ARHGEF3: variants seen among roughly 807,000 people sequenced by gnomAD.
The protein encoded by ARHGEF3 is Rho guanine nucleotide exchange factor 3, also known as 59.8 kDA protein.
Under a neutral mutation model 63.2 loss-of-function variants are expected in ARHGEF3, and 28 were observed. That is an observed-to-expected ratio of 0.44 (90% CI 0.33 to 0.61). The LOEUF is 0.61. Among genes scored for constraint, ARHGEF3 ranks in the 20% least tolerant of loss-of-function variants. The pLI is 0.03. For synonymous variants in ARHGEF3, 266 were observed against 254.2 expected (o/e 1.05, Z -0.44); for missense variants, 533 against 659.3 (o/e 0.81, Z 2.10).
intron 1 of ARHGEF3, among the ~76,000 whole-genome samples, chr3:56,795,436 A>G (rs988731408): frequency 6.6e-6 from 1 of 152,202 alleles, no homozygotes; most frequent in Admixed American, 6.5e-5. Flanking sequence ...AGCCAGAAAG[A>G]AGAAAAAAGT....
intron 3 of ARHGEF3, among the ~76,000 whole-genome samples, chr3:56,948,907 G>T (rs62251118): frequency 0.26 from 39,010 of 151,868 alleles, 6,017 homozygotes; most frequent in East Asian, 0.39. Flanking sequence ...GAATCCAGCA[G>T]CACATCAAAA....
chr3:56,816,290 G>A (rs2038268047), intron 4 of ARHGEF3, among the ~76,000 whole-genome samples: 1 of 152,142 alleles, frequency 6.6e-6, no homozygotes, highest in African/African-American at 2.4e-5. Flanking sequence ...TCAAAGCTGA[G>A]GGTTCTGTGC....
intron 2 of ARHGEF3, among the ~76,000 whole-genome samples, chr3:57,025,954 A>C (rs78417172): frequency 1.3e-3 from 196 of 152,286 alleles, no homozygotes; most frequent in African/African-American, 4.6e-3. Flanking sequence ...GAAAGGCTTA[A>C]CTCAAGTTCC....
At chr3:56,776,578 A>G (rs547221194) in intron 1 of ARHGEF3, among the ~76,000 whole-genome samples, 3 of 152,224 alleles carry the variant, frequency 2.0e-5, no homozygotes, top group African/African-American at 7.2e-5. Flanking sequence ...AAGATTAAAA[A>G]AATTCCTGGC....
intron 3 of ARHGEF3, among the ~76,000 whole-genome samples, chr3:56,895,631 T>C (rs1040403610): frequency 2.0e-5 from 3 of 151,954 alleles, no homozygotes; most frequent in Non-Finnish European, 4.4e-5. Context: ...ACCGGGCTAA[T>C]TTTTTGTATT....
At chr3:56,847,454 G>A (rs555586988) in intron 4 of ARHGEF3, among the ~76,000 whole-genome samples, 29 of 152,280 alleles carry the variant, frequency 1.9e-4, no homozygotes, top group African/African-American at 6.5e-4. Context: ...GGTGAGGAGG[G>A]AGCATTTTAT....
chr3:56,982,625 G>A (rs891312988), intron 2 of ARHGEF3, among the ~76,000 whole-genome samples: 9 of 152,054 alleles, frequency 5.9e-5, no homozygotes, highest in Non-Finnish European at 1.5e-5. Flanking sequence ...TACTTTGTTC[G>A]CTGCTATAAC....
At chr3:57,062,741 A>G (rs1363431407) in intron 1 of ARHGEF3, among the ~76,000 whole-genome samples, 1 of 152,200 alleles carries the variant, frequency 6.6e-6, no homozygotes, top group Non-Finnish European at 1.5e-5. Context: ...ACACACACAT[A>G]CATACACATA....
intron 1 of ARHGEF3, among the ~76,000 whole-genome samples, chr3:57,047,775 C>A (rs910443888): frequency 6.6e-6 from 1 of 152,190 alleles, no homozygotes; most frequent in East Asian, 1.9e-4. Flanking sequence ...GAGAGGAGAC[C>A]TCTGTTGGAA....
chr3:57,029,297 G>A (rs1579124034), intron 2 of ARHGEF3, among the ~76,000 whole-genome samples: 1 of 152,158 alleles, frequency 6.6e-6, no homozygotes, highest in South Asian at 2.1e-4. Flanking sequence ...GGTCGTGGTG[G>A]CACATGCCTG....
At chr3:56,745,865 G>C (rs535295810) in intron 6 of ARHGEF3, among the ~76,000 whole-genome samples, 2 of 152,244 alleles carry the variant, frequency 1.3e-5, no homozygotes, top group Non-Finnish European at 2.9e-5. Context: ...TAGAGATGGG[G>C]TTTCAACGTG....
At chr3:56,979,446 A>G (rs2106893126) in intron 2 of ARHGEF3, among the ~76,000 whole-genome samples, 1 of 152,336 alleles carries the variant, frequency 6.6e-6, no homozygotes, top group South Asian at 2.1e-4. Context: ...GGGCAGAGGC[A>G]TCTCTTCAAA....
Position 56,728,217 on chromosome 3 carries a change from T to C in ARHGEF3, c.*1053A>G, listed in dbSNP as rs3821414. On this transcript the variant is annotated 3_prime_UTR_variant, in exon 10 of 10. Coordinates refer to ENST00000296315, the MANE Select transcript of ARHGEF3 (RefSeq NM_019555.3). ...ATAGCACAGAACCAGAGATGGCAAA[T>C]TGACGACCCAAAAGCAGAGCAGGAA... 0.19 allele frequency: 29,208 copies of C among 152,530 alleles called. 3,035 individuals carry two copies. The highest frequency in any genetic ancestry group is 0.39 in the South Asian group (1,880 of 4,812). 9.4% of individuals were successfully genotyped at this position (152,530 alleles called of 1,614,324 possible). A position where few individuals can be genotyped will look rare whatever the true frequency, so the allele number is the denominator to read the frequency against.
intron 2 of ARHGEF3, among the ~76,000 whole-genome samples, chr3:56,764,179 T>G (rs576158989): frequency 1.3e-4 from 20 of 152,280 alleles, no homozygotes; most frequent in Admixed American, 7.2e-4. Context: ...AATGAAAAGC[T>G]GAAGAAAATA....
At chr3:57,002,502 A>ATATATATATATATATATATGT (rs1560123081) in intron 2 of ARHGEF3, among the ~76,000 whole-genome samples, 1 of 81,058 alleles carries the variant, frequency 1.2e-5, no homozygotes, top group African/African-American at 4.3e-5. Flanking sequence ...TATATGTTAT[A>ATATATATATATATATATATGT]TATATATATA....
chr3:56,825,949 C>A (rs1306989685), intron 4 of ARHGEF3, among the ~76,000 whole-genome samples: 1 of 152,200 alleles, frequency 6.6e-6, no homozygotes, highest in Non-Finnish European at 1.5e-5. Flanking sequence ...CAATCAGCAA[C>A]CCTTCCTTCT....
chr3:56,793,394 C>G (rs961944684), intron 1 of ARHGEF3, among the ~76,000 whole-genome samples: 1 of 152,202 alleles, frequency 6.6e-6, no homozygotes, highest in African/African-American at 2.4e-5. Flanking sequence ...TGGTCTCGAT[C>G]TCCTGACCTC....
At chr3:57,055,920 TG>T (rs1704909300) in intron 1 of ARHGEF3, among the ~76,000 whole-genome samples, 2 of 152,110 alleles carry the variant, frequency 1.3e-5, no homozygotes, top group South Asian at 4.1e-4. Flanking sequence ...CCTTCTAAAA[TG>T]CAAAATGATT....
chr3:56,807,894 C>A (rs538480990), intron 4 of ARHGEF3, among the ~76,000 whole-genome samples: 21 of 152,208 alleles, frequency 1.4e-4, no homozygotes, highest in Admixed American at 3.9e-4. Flanking sequence ...GAGGCCAAGG[C>A]GGGTGGATCG....
Sources: gnomAD v4.1 joint callset for allele counts (sites outside exome capture counted in the v4.1 genomes callset) on GRCh38, gnomAD v4.1.1 for gene constraint, MANE v1.5 for transcripts, NCBI Gene and HGNC (gene_info 2026-07-23, HGNC 2026-07-21) for gene names.